The following EFR3B variants were observed in gnomAD, a reference collection of about 807,000 sequenced individuals.
The protein encoded by EFR3B is EFR3 homolog B.
In EFR3B, 64 loss-of-function variants were observed where a neutral mutation model predicts 104.7. That is an observed-to-expected ratio of 0.61 (90% CI 0.50 to 0.75). EFR3B has a LOEUF of 0.75. Among genes scored for constraint, EFR3B ranks in the 30% least tolerant of loss-of-function variants. EFR3B has a pLI of 0.00. For missense variants in EFR3B, 750 were observed against 1,078.5 expected, an observed-to-expected ratio of 0.70 and a Z score of 4.27; for synonymous variants, 385 against 417.9, an observed-to-expected ratio of 0.92 and a Z score of 0.96.
chr2:25,153,680 C>T, intron 21 of EFR3B, 32 bp from the exon 22 acceptor site: 1 of 1,551,204 alleles, frequency 6.4e-7, no homozygotes, highest in African/African-American at 1.4e-5. Context: ...CCCCCCACCC[C>T]TGCCAGCTCA....
In EFR3B at chr2:25,156,910, C is replaced by A. The variant is rs912486506; in HGVS notation, c.*2570C>A. ...AGCTTGGATGAGAGACCCACTGTTT[C>A]TTGTGCCTACTTAACATTAGGGTTC... is the stretch of plus-strand genomic sequence containing the variant. On this transcript the variant is annotated 3_prime_UTR_variant, in exon 23 of 23. Transcript: ENST00000403714. The A allele has an allele frequency of 1.3e-5, 2 of 152,202 alleles. No homozygotes were observed. The highest frequency in any genetic ancestry group is 2.9e-5 in the Non-Finnish European group (2 of 68,048). The allele number at this position is 152,202 out of a possible 1,614,324, so 9.4% of individuals were successfully genotyped here. A position where few individuals can be genotyped will look rare whatever the true frequency, so the allele number is the denominator to read the frequency against.
Position 25,154,156 on chromosome 2 carries a change from T to A in EFR3B, c.2349-79T>A. ...TGTGCAAAAAGAAACCCAAGTCACC[T>A]ACTCTGTTTGGTTGCACAAGGGTGG... On this transcript the variant is annotated intron_variant, in intron 22 of 22. Coordinates refer to ENST00000403714, the MANE Select transcript of EFR3B (RefSeq NM_014971.2). The surrounding 1 kb of genome is among the most constrained non-coding windows in gnomAD (Gnocchi z 4.1). 1 of 1,325,714 alleles carries A rather than the reference T, an allele frequency of 7.5e-7. No individual in the cohort carries two copies. The highest frequency in any genetic ancestry group is 1.1e-6 in the Non-Finnish European group (1 of 949,952). 82.1% of individuals were successfully genotyped at this position (1,325,714 alleles called of 1,614,324 possible). A position where few individuals can be genotyped will look rare whatever the true frequency, so the allele number is the denominator to read the frequency against.
intron 1 of EFR3B, among the ~76,000 whole-genome samples, chr2:25,055,225 T>C (rs773681479): frequency 6.6e-6 from 1 of 152,210 alleles, no homozygotes; most frequent in Non-Finnish European, 1.5e-5. Context: ...AAAACACCAC[T>C]TTGTGCCTGA....
At chr2:25,140,035 A>G (rs1221151230) in intron 16 of EFR3B, among the ~76,000 whole-genome samples, 1 of 152,232 alleles carries the variant, frequency 6.6e-6, no homozygotes, top group African/African-American at 2.4e-5. Flanking sequence ...TTAGCAAGCC[A>G]GGCGCAGTGG....
At chr2:25,080,091 A>T (rs770181916) in intron 1 of EFR3B, 13 of 945,668 alleles carry the variant, frequency 1.4e-5, no homozygotes, top group Non-Finnish European at 2.1e-5. Flanking sequence ...CAGGTATTTC[A>T]ATTTCCACAT....
chr2:25,146,588 T>C (rs1558620906), intron 19 of EFR3B: 2 of 152,228 alleles, frequency 1.3e-5, no homozygotes, highest in African/African-American at 4.8e-5. Flanking sequence ...CCCTCGGGAA[T>C]TGAGGAGTGA....
At position 25,042,482 on chromosome 2, in the gene EFR3B, G is replaced by T; in HGVS notation, c.7+163G>T. 8.3e-7 allele frequency: 1 copy of T among 1,206,652 alleles called. No homozygotes were observed. The allele number at this position is 1,206,652 out of a possible 1,614,324, so 74.7% of individuals were successfully genotyped here. A position where few individuals can be genotyped will look rare whatever the true frequency, so the allele number is the denominator to read the frequency against. On this transcript the variant is annotated intron_variant, in intron 1 of 22. Transcript: ENST00000403714. This position sits in a 1 kb window ranked among gnomAD's most constrained non-coding sequence, Gnocchi z 5.4. ...CGCTCTGTGCGCGCGCGTCTGCGCT[G>T]CGAGGACAAAGATGCCTCGGGCCGG...
At chr2:25,063,526 GCTACCC>G (rs1668253324) in intron 1 of EFR3B, among the ~76,000 whole-genome samples, 1 of 152,186 alleles carries the variant, frequency 6.6e-6, no homozygotes, top group Non-Finnish European at 1.5e-5. Flanking sequence ...TTTGAATCCA[GCTACCC>G]CATTTAGCAG....
intron 4 of EFR3B, among the ~76,000 whole-genome samples, chr2:25,119,459 G>A (rs1669956175): frequency 6.6e-6 from 1 of 152,210 alleles, no homozygotes; most frequent in African/African-American, 2.4e-5. Flanking sequence ...AGCACCTCAA[G>A]TCTGTTCCAG....
intron 18 of EFR3B, 50 bp from the exon 19 acceptor site, chr2:25,144,910 T>C: frequency 6.6e-7 from 1 of 1,523,672 alleles, no homozygotes; most frequent in Non-Finnish European, 8.9e-7. Context: ...AGCTCAGTCC[T>C]GGATCTCTGA....
rs1339685589 is a variant in EFR3B, at chr2:25,131,554, G to A, written c.985+51G>A. On this transcript the variant is annotated intron_variant, in intron 9 of 22. Coordinates refer to ENST00000403714, the MANE Select transcript of EFR3B (RefSeq NM_014971.2). This position sits in a 1 kb window ranked among gnomAD's most constrained non-coding sequence, Gnocchi z 7.6. Reference sequence around the variant, plus strand: ...GGCCGGGGACCCCGCGGAGGCTGCCGCCTCTTACAGAGAGAGGCAAGGGAC... The same window carrying A: ...GGCCGGGGACCCCGCGGAGGCTGCCACCTCTTACAGAGAGAGGCAAGGGAC... The A allele has an allele frequency of 3.5e-5, 54 of 1,542,588 alleles. No individual in the cohort carries two copies. The highest frequency in any genetic ancestry group is 1.7e-4 in the Middle Eastern group (1 of 5,914).
chr2:25,078,329 A>AT (rs903725709), intron 1 of EFR3B, among the ~76,000 whole-genome samples: 1 of 152,184 alleles, frequency 6.6e-6, no homozygotes, highest in African/African-American at 2.4e-5. Flanking sequence ...CCTGGGTCAG[A>AT]TTTTATTGTA....
At position 25,042,147 on chromosome 2, in the gene EFR3B, C is replaced by T. The variant is rs1467589045; in HGVS notation, c.-166C>T. On this transcript the variant is annotated 5_prime_UTR_variant, in exon 1 of 23. Transcript: ENST00000403714. The surrounding 1 kb of genome is among the most constrained non-coding windows in gnomAD (Gnocchi z 5.4). ...CTGAATGGGCTGGCGGCGCCCGGCT[C>T]CGTCCTGCCCGCGGCCGGCCCCCGC... 1 of 581,802 alleles carries T rather than the reference C, an allele frequency of 1.7e-6. No homozygotes were observed. The highest frequency in any genetic ancestry group is 2.4e-6 in the Non-Finnish European group (1 of 409,894). The allele number at this position is 581,802 out of a possible 1,614,324, so 36.0% of individuals were successfully genotyped here. A position where few individuals can be genotyped will look rare whatever the true frequency, so the allele number is the denominator to read the frequency against.
intron 3 of EFR3B, among the ~76,000 whole-genome samples, chr2:25,103,288 G>A (rs1036627089): frequency 8.5e-5 from 13 of 152,154 alleles, no homozygotes; most frequent in Admixed American, 1.3e-4. Context: ...ATAATTCCCC[G>A]ACCTCATAGA....
At chr2:25,065,816 C>T (rs1215618290) in intron 1 of EFR3B, among the ~76,000 whole-genome samples, 1 of 152,186 alleles carries the variant, frequency 6.6e-6, no homozygotes, top group Non-Finnish European at 1.5e-5. Flanking sequence ...GTTCCCAGCC[C>T]ACCCGTGTCA....
Position 25,131,961 on chromosome 2 carries a change from G to A in EFR3B, c.1147+50G>A. On this transcript the variant is annotated intron_variant, in intron 10 of 22. Transcript: ENST00000403714. The surrounding 1 kb of genome is among the most constrained non-coding windows in gnomAD (Gnocchi z 7.6). Reference sequence around the variant, plus strand: ...CGGGGCGGGGCCGAGGCGCGGAGTGGGGAGGGGAGGGGAGGGACGGGACGG... The same window carrying A: ...CGGGGCGGGGCCGAGGCGCGGAGTGAGGAGGGGAGGGGAGGGACGGGACGG... 1 of 1,273,804 alleles carries A rather than the reference G, an allele frequency of 7.9e-7. No individual in the cohort carries two copies. Among genetic ancestry groups the A allele is most frequent in the Non-Finnish European group, 1.0e-6 (1 of 978,984 alleles). 78.9% of individuals were successfully genotyped at this position (1,273,804 alleles called of 1,614,324 possible).
At chr2:25,121,297 G>C (rs1670006872) in intron 4 of EFR3B, among the ~76,000 whole-genome samples, 1 of 152,204 alleles carries the variant, frequency 6.6e-6, no homozygotes, top group Non-Finnish European at 1.5e-5. Context: ...TGGTGCTCCT[G>C]CTTCGTCGCT....
intron 4 of EFR3B, among the ~76,000 whole-genome samples, chr2:25,111,694 G>T (rs887953592): frequency 6.6e-6 from 1 of 152,224 alleles, no homozygotes; most frequent in Non-Finnish European, 1.5e-5. Flanking sequence ...TAAGAGGGAC[G>T]CAGGAGGATC....
Position 25,066,668 on chromosome 2 carries a change from T to A in EFR3B, c.7+24349T>A, listed in dbSNP as rs554259160. ...TCAGTGACACTTGTGCTTCCTTTCATTATGGCTGCATGCTGTTACTCTAAG... is the reference window on the plus strand; with the variant it reads ...TCAGTGACACTTGTGCTTCCTTTCAATATGGCTGCATGCTGTTACTCTAAG... On this transcript the variant is annotated intron_variant, in intron 1 of 22. Coordinates refer to ENST00000403714, the MANE Select transcript of EFR3B (RefSeq NM_014971.2). 2.1e-3 allele frequency among the ~76,000 whole-genome samples: 323 copies of A among 152,352 alleles called. 1 individual carries two copies. Among genetic ancestry groups the A allele is most frequent in the Non-Finnish European group, 3.9e-3 (264 of 68,038 alleles).
Sources: gnomAD v4.1 joint callset for allele counts (sites outside exome capture counted in the v4.1 genomes callset) on GRCh38, gnomAD v4.1.1 for gene constraint, Gnocchi (gnomAD v3.1) non-coding constraint, MANE v1.5 for transcripts, NCBI Gene and HGNC (gene_info 2026-07-23, HGNC 2026-07-21) for gene names.